Variants in CDKL4 observed in about 807,000 individuals in gnomAD.
CDKL4 encodes the protein cyclin dependent kinase like 4.
Under a neutral mutation model 42.0 loss-of-function variants are expected in CDKL4, and 44 were observed. The observed-to-expected ratio is 1.05, with a 90% CI of 0.82 to 1.35. CDKL4 has a LOEUF of 1.35. Ranked by LOEUF, CDKL4 falls within the 40% of genes most tolerant of loss-of-function variation. The pLI is 0.00. For synonymous variants in CDKL4, 120 were observed against 121.6 expected (o/e 0.99, Z 0.09); for missense variants, 393 against 369.9 (o/e 1.06, Z -0.51).
chr2:39,226,434 A>AATTATATAT (rs559756613), intron 2 of CDKL4, among the ~76,000 whole-genome samples: 2,791 of 101,544 alleles, frequency 0.027, 103 homozygotes, highest in African/African-American at 0.085. Context: ...TATTTATATA[A>AATTATATAT]ATTATATATA....
intron 8 of CDKL4, among the ~76,000 whole-genome samples, chr2:39,181,118 A>C (rs1675416618): frequency 6.6e-6 from 1 of 152,100 alleles, no homozygotes; most frequent in Admixed American, 6.6e-5. Flanking sequence ...CATATCCTTC[A>C]ACCCATTATG....
downstream of CDKL4, among the ~76,000 whole-genome samples, chr2:39,173,210 GA>G (rs1371239590): frequency 6.6e-6 from 1 of 152,096 alleles, no homozygotes; most frequent in Non-Finnish European, 1.5e-5. Flanking sequence ...TATCTATATA[GA>G]TACATAATAT....
rs369492135 is a variant in CDKL4, at chr2:39,213,404, T to G, written c.359A>C (p.His120Pro). 4.1e-5 allele frequency: 64 copies of G among 1,574,650 alleles called. 3 individuals are homozygous for G. Among genetic ancestry groups the G allele is most frequent in the Non-Finnish European group, 5.2e-6 (6 of 1,145,860 alleles). Residue 120 changes from histidine to proline, a missense_variant, in exon 4 of 10, where the codon CAT (histidine) becomes CCT (proline). By Grantham distance (77) the His-to-Pro change is moderately conservative (BLOSUM62 -2). Transcript: ENST00000451199. ...ACATTAGAAAATGTTACTTACGTTA[T>G]GTATATGACAGAAATTAAGAGCTTG...
upstream of CDKL4, among the ~76,000 whole-genome samples, chr2:39,247,063 C>T (rs1025507688): frequency 1.4e-4 from 21 of 152,192 alleles, no homozygotes; most frequent in African/African-American, 5.1e-4. Context: ...TTTAATACTA[C>T]TTACTTCCGT....
At chr2:39,200,748 T>A (rs1316751202) in intron 5 of CDKL4, among the ~76,000 whole-genome samples, 1 of 152,112 alleles carries the variant, frequency 6.6e-6, no homozygotes, top group African/African-American at 2.4e-5. Context: ...AATGGACACC[T>A]TATTAAACAA....
intron 5 of CDKL4, among the ~76,000 whole-genome samples, chr2:39,191,677 G>A (rs766015104): frequency 1.3e-5 from 2 of 152,186 alleles, no homozygotes; most frequent in Non-Finnish European, 1.5e-5. Flanking sequence ...CTATGTATGA[G>A]TCATGTGTGA....
intron 9 of CDKL4, among the ~76,000 whole-genome samples, chr2:39,177,719 T>C (rs1033776067): frequency 6.6e-6 from 1 of 151,218 alleles, no homozygotes; most frequent in African/African-American, 2.4e-5. Context: ...AGATGAAGTC[T>C]CACTCTGTTG....
At chr2:39,228,351 T>C (rs946600810) in intron 2 of CDKL4, among the ~76,000 whole-genome samples, 5 of 152,130 alleles carry the variant, frequency 3.3e-5, no homozygotes, top group Non-Finnish European at 7.3e-5. Flanking sequence ...CTGTATCAAG[T>C]TATATTTCAA....
At chr2:39,176,203 T>G (rs950022070) in intron 9 of CDKL4, 107 bp from the exon 10 acceptor site, 1 of 343,006 alleles carries the variant, frequency 2.9e-6, no homozygotes, top group Non-Finnish European at 5.9e-6. Context: ...GGTACAAAGA[T>G]GTCAAAAGAC....
intron 7 of CDKL4, among the ~76,000 whole-genome samples, chr2:39,185,467 T>C (rs1675777637): frequency 1.5e-5 from 2 of 130,960 alleles, no homozygotes; most frequent in South Asian, 2.3e-4. Context: ...TGTGTATATA[T>C]ATATATATAT....
upstream of CDKL4, among the ~76,000 whole-genome samples, chr2:39,244,754 CGT>C (rs1177316644): frequency 1.3e-5 from 2 of 152,224 alleles, no homozygotes; most frequent in African/African-American, 4.8e-5. Context: ...CTGGTGGGGA[CGT>C]GGAGAACATT....
chr2:39,246,076 T>C (rs1251870114), upstream of CDKL4, among the ~76,000 whole-genome samples: 1 of 152,218 alleles, frequency 6.6e-6, no homozygotes, highest in Non-Finnish European at 1.5e-5. Flanking sequence ...AGCACACACG[T>C]ACTTTGTTTC....
chr2:39,178,429 G>T, intron 9 of CDKL4: 1 of 768,530 alleles, frequency 1.3e-6, no homozygotes, highest in East Asian at 2.7e-5. Flanking sequence ...GGCAATGTTC[G>T]TCTACTTATT....
At chr2:39,172,308 T>G (rs1453795741), downstream of CDKL4, among the ~76,000 whole-genome samples, 1 of 149,456 alleles carries the variant, frequency 6.7e-6, no homozygotes, top group African/African-American at 2.5e-5. Flanking sequence ...GGTGAGACTC[T>G]GTCCCCGCTC....
At chr2:39,220,705 C>T (rs1205597835) in intron 3 of CDKL4, among the ~76,000 whole-genome samples, 2 of 151,950 alleles carry the variant, frequency 1.3e-5, no homozygotes, top group Non-Finnish European at 2.9e-5. Context: ...CTGTCTCAGC[C>T]TCCCGAGTAG....
At chr2:39,219,133 G>C (rs1272220130) in intron 3 of CDKL4, among the ~76,000 whole-genome samples, 1 of 152,198 alleles carries the variant, frequency 6.6e-6, no homozygotes, top group Non-Finnish European at 1.5e-5. Context: ...CCTAATAGGA[G>C]CTCAATTAAG....
intron 7 of CDKL4, among the ~76,000 whole-genome samples, chr2:39,185,359 T>TAC (rs1675720698): frequency 2.1e-5 from 2 of 97,232 alleles, no homozygotes; most frequent in African/African-American, 8.8e-5. Flanking sequence ...TATGTATATA[T>TAC]ACATATATAT....
In CDKL4 at chr2:39,223,612, C is replaced by CA. The variant is rs796918055; in HGVS notation, c.290+2226dup. Among the ~76,000 whole-genome samples, 240 of 49,794 alleles carry CA rather than the reference C, an allele frequency of 4.8e-3. 3 individuals are homozygous for CA. In the East Asian group the frequency reaches 0.055, roughly 11 times the overall value. The allele number at this position is 49,794 out of a possible 152,430, so 32.7% of individuals were successfully genotyped here. ...TTTTTTTTTTGAAGACTTCTGTCTTCAAAAAAAAAAAAAAAAGAGAGATGG... is the reference window on the plus strand; with the variant it reads ...TTTTTTTTTTGAAGACTTCTGTCTTCAAAAAAAAAAAAAAAAAGAGAGATGG... On this transcript the variant is annotated intron_variant, in intron 3 of 9. Coordinates refer to ENST00000451199, the Ensembl canonical transcript of CDKL4.
chr2:39,208,952 G>T (rs556123507), intron 4 of CDKL4, among the ~76,000 whole-genome samples: 1 of 151,840 alleles, frequency 6.6e-6, no homozygotes, highest in Non-Finnish European at 1.5e-5. Flanking sequence ...ACCAAAACAT[G>T]AGTATCAACA....
Sources: allele counts gnomAD v4.1 joint callset (sites outside exome capture counted in the v4.1 genomes callset), GRCh38; gene constraint gnomAD v4.1.1; transcripts MANE v1.5; gene names NCBI Gene and HGNC (gene_info 2026-07-23, HGNC 2026-07-21).